Variants in MEIKIN observed in about 807,000 individuals in gnomAD.
MEIKIN encodes meiotic kinetochore factor, also known as meiosis-specific kinetochore protein.
intron 5 of MEIKIN, among the ~76,000 whole-genome samples, chr5:131,924,636 CT>C (rs1207122515): frequency 1.3e-5 from 2 of 152,046 alleles, no homozygotes; most frequent in Non-Finnish European, 2.9e-5. Context: ...GGAGAAATAT[CT>C]ATTCAAGTTA....
At chr5:131,894,316 T>G (rs1750994982) in intron 8 of MEIKIN, among the ~76,000 whole-genome samples, 1 of 152,240 alleles carries the variant, frequency 6.6e-6, no homozygotes, top group Non-Finnish European at 1.5e-5. Context: ...GTAGTATAGT[T>G]TGAAGTCAGG....
At chr5:131,824,574 T>C (rs1441972014) in intron 11 of MEIKIN, among the ~76,000 whole-genome samples, 1 of 151,776 alleles carries the variant, frequency 6.6e-6, no homozygotes, top group Non-Finnish European at 1.5e-5. Context: ...GAAAGAAGAT[T>C]TGAAAAAGAA....
chr5:131,890,036 C>G (rs567768183), intron 8 of MEIKIN, among the ~76,000 whole-genome samples: 9 of 152,274 alleles, frequency 5.9e-5, no homozygotes, highest in African/African-American at 2.2e-4. Flanking sequence ...GTATGTTGAA[C>G]CAGCCCTGCA....
At chr5:131,857,519 C>G (rs1750215722) in intron 9 of MEIKIN, among the ~76,000 whole-genome samples, 2 of 152,182 alleles carry the variant, frequency 1.3e-5, no homozygotes, top group Admixed American at 1.3e-4. Context: ...CTGCCAGCCT[C>G]TCCTGGGGCC....
At chr5:131,922,823 A>G (rs1453061042) in intron 5 of MEIKIN, among the ~76,000 whole-genome samples, 1 of 152,204 alleles carries the variant, frequency 6.6e-6, no homozygotes, top group Non-Finnish European at 1.5e-5. Flanking sequence ...CTCTGGTGGT[A>G]TATCAAAACC....
intron 11 of MEIKIN, among the ~76,000 whole-genome samples, chr5:131,845,273 A>T (rs868838619): frequency 4.1e-5 from 4 of 98,642 alleles, no homozygotes; most frequent in South Asian, 3.2e-4. Context: ...ACTTCGTCTT[A>T]AAAAAAAAAA....
intron 8 of MEIKIN, among the ~76,000 whole-genome samples, chr5:131,907,557 T>C (rs915555046): frequency 1.3e-5 from 2 of 150,256 alleles, no homozygotes; most frequent in Middle Eastern, 3.2e-3. Context: ...ATATGCAATC[T>C]AGTATGACTG....
chr5:131,839,078 C>T (rs1431931175), intron 11 of MEIKIN, among the ~76,000 whole-genome samples: 4 of 152,180 alleles, frequency 2.6e-5, no homozygotes. Flanking sequence ...TTTCAAAGAA[C>T]TTCTTGATTT....
intron 9 of MEIKIN, among the ~76,000 whole-genome samples, chr5:131,863,617 T>C (rs1450533059): frequency 7.2e-6 from 1 of 139,194 alleles, no homozygotes; most frequent in East Asian, 2.2e-4. Context: ...TTTATCTAAG[T>C]ATAACTACTC....
chr5:131,941,238 A>C (rs1751865768), intron 4 of MEIKIN, among the ~76,000 whole-genome samples: 1 of 132,146 alleles, frequency 7.6e-6, no homozygotes, highest in Non-Finnish European at 1.5e-5. Context: ...GGCTCACTGC[A>C]ACCTCCGCCT....
At chr5:131,877,061 TG>T (rs1750626654) in intron 9 of MEIKIN, among the ~76,000 whole-genome samples, 1 of 150,982 alleles carries the variant, frequency 6.6e-6, no homozygotes, top group African/African-American at 2.4e-5. Context: ...GAGGAGTTAA[TG>T]GGTGCAGCAC....
At chr5:131,895,534 G>C (rs975543872) in intron 8 of MEIKIN, among the ~76,000 whole-genome samples, 1 of 152,044 alleles carries the variant, frequency 6.6e-6, no homozygotes, top group African/African-American at 2.4e-5. Context: ...TTTTTTGGTT[G>C]GCAGGATATT....
chr5:131,883,096 T>A (rs1217503851), intron 8 of MEIKIN, among the ~76,000 whole-genome samples: 4 of 152,246 alleles, frequency 2.6e-5, no homozygotes, highest in Non-Finnish European at 5.9e-5. Context: ...AGGGCAAGGA[T>A]ACTGTCATGT....
chr5:131,848,289 CTAA>C (rs1750052573), intron 11 of MEIKIN, among the ~76,000 whole-genome samples: 1 of 151,856 alleles, frequency 6.6e-6, no homozygotes, highest in Admixed American at 6.6e-5. Flanking sequence ...TGAAAAAATA[CTAA>C]TAAAAAGGGA....
At chr5:131,869,509 T>C (rs191379171) in intron 9 of MEIKIN, among the ~76,000 whole-genome samples, 4 of 152,306 alleles carry the variant, frequency 2.6e-5, no homozygotes, top group African/African-American at 7.2e-5. Context: ...GTCTACCACA[T>C]AGTTCCCCCA....
At chr5:131,891,065 C>A (rs1412024885) in intron 8 of MEIKIN, among the ~76,000 whole-genome samples, 1 of 152,208 alleles carries the variant, frequency 6.6e-6, no homozygotes. Context: ...AGTTTGATTG[C>A]ACTGTGGTCT....
intron 11 of MEIKIN, among the ~76,000 whole-genome samples, chr5:131,850,634 T>C (rs557949926): frequency 3.0e-4 from 45 of 152,160 alleles, no homozygotes; most frequent in African/African-American, 1.1e-3. Context: ...TGCAAAAGAA[T>C]GAAGCTGGAC....
chr5:131,937,109 T>C (rs1392420228), intron 4 of MEIKIN, among the ~76,000 whole-genome samples: 1 of 152,154 alleles, frequency 6.6e-6, no homozygotes, highest in African/African-American at 2.4e-5. Context: ...GAAATTCACA[T>C]ATTTCCTGTA....
At chr5:131,848,512 T>C (rs952700862) in intron 11 of MEIKIN, among the ~76,000 whole-genome samples, 4 of 152,122 alleles carry the variant, frequency 2.6e-5, no homozygotes, top group Admixed American at 1.3e-4. Context: ...ACAGAACTAG[T>C]AGGGAGATTG....
Sources: allele counts gnomAD v4.1 joint callset (sites outside exome capture counted in the v4.1 genomes callset), GRCh38; gene constraint gnomAD v4.1.1; transcripts MANE v1.5; gene names NCBI Gene and HGNC (gene_info 2026-07-23, HGNC 2026-07-21).